The following MRRF variants were observed in gnomAD, a reference collection of about 807,000 sequenced individuals.
MRRF encodes the protein mitochondrial ribosome recycling factor.
In MRRF, 18 loss-of-function variants were observed where a neutral mutation model predicts 25.1. That is an observed-to-expected ratio of 0.72 (90% CI 0.50 to 1.06). The LOEUF (loss-of-function observed/expected upper bound fraction) is 1.06. Among genes scored for constraint, MRRF ranks in the 50% least tolerant of loss-of-function variants. MRRF has a pLI of 0.00. For missense variants in MRRF, 323 were observed against 319.3 expected (o/e 1.01, Z -0.09); for synonymous variants, 113 against 112.1 (o/e 1.01, Z -0.05).
At chr9:122,265,976 G>T (rs1743211081) in intron 1 of MRRF, among the ~76,000 whole-genome samples, 1 of 152,194 alleles carries the variant, frequency 6.6e-6, no homozygotes, top group South Asian at 2.1e-4. Context: ...CAAAAATCTG[G>T]CAAACCAGAG....
At chr9:122,282,096 A>G (rs1226729995) in intron 3 of MRRF, among the ~76,000 whole-genome samples, 3 of 152,172 alleles carry the variant, frequency 2.0e-5, no homozygotes, top group Non-Finnish European at 4.4e-5. Flanking sequence ...AACGTTCTGT[A>G]TAGAATTTGG....
At chr9:122,301,793 G>A (rs1333828611) in intron 5 of MRRF, among the ~76,000 whole-genome samples, 1 of 151,566 alleles carries the variant, frequency 6.6e-6, no homozygotes, top group Non-Finnish European at 1.5e-5. Flanking sequence ...GAGTGCAGTG[G>A]CATGATCTCG....
In MRRF at chr9:122,325,650, G is replaced by GTC. The variant is rs1351616115; in HGVS notation, c.*3034_*3035insCT. ...CTGTCTGGTGTGTGTGTGTGTGTGTGTGTGTGTGTGTGTGTGTGTGTGTGT... is the reference window on the plus strand; with the variant it reads ...CTGTCTGGTGTGTGTGTGTGTGTGTGTCTGTGTGTGTGTGTGTGTGTGTGTGT... On this transcript the variant is annotated 3_prime_UTR_variant, in exon 7 of 7. Coordinates refer to ENST00000344641, the MANE Select transcript of MRRF (RefSeq NM_138777.5). 4.4e-5 allele frequency: 5 copies of GTC among 114,888 alleles called. No individual in the cohort carries two copies. Among genetic ancestry groups the GTC allele is most frequent in the African/African-American group, 1.5e-4 (5 of 33,122 alleles). 7.1% of individuals were successfully genotyped at this position (114,888 alleles called of 1,614,324 possible).
intron 6 of MRRF, among the ~76,000 whole-genome samples, chr9:122,320,866 T>C (rs1159234995): frequency 6.6e-6 from 1 of 152,242 alleles, no homozygotes; most frequent in Non-Finnish European, 1.5e-5. Flanking sequence ...GGCACCATGC[T>C]GCAGCCCTTA....
chr9:122,273,764 T>C (rs1832609369), intron 2 of MRRF, among the ~76,000 whole-genome samples: 1 of 152,194 alleles, frequency 6.6e-6, no homozygotes. Flanking sequence ...CACCACAGAT[T>C]AGTTTTGTCC....
At chr9:122,280,348 A>C in intron 2 of MRRF, 95 bp from the exon 3 acceptor site, 7 of 1,354,386 alleles carry the variant, frequency 5.2e-6, no homozygotes, top group Non-Finnish European at 7.4e-6. Flanking sequence ...AACACTTGAC[A>C]TTTTTCCCTG....
At chr9:122,294,127 C>T (rs1186584002) in intron 5 of MRRF, among the ~76,000 whole-genome samples, 1 of 152,202 alleles carries the variant, frequency 6.6e-6, no homozygotes, top group Admixed American at 6.5e-5. Context: ...CTCCCTGAGC[C>T]TTGGCTTCCT....
In MRRF at chr9:122,328,809, A is replaced by C. The variant is rs1260481775; in HGVS notation, c.*6192A>C. On this transcript the variant is annotated 3_prime_UTR_variant, in exon 7 of 7. Transcript: ENST00000344641. ...GAAGTTCAGTTTTTGTGGAATAAACAAATAAGTGATTATCTCTGTCTGCCT... is the reference window on the plus strand; with the variant it reads ...GAAGTTCAGTTTTTGTGGAATAAACCAATAAGTGATTATCTCTGTCTGCCT... The C allele has an allele frequency of 2.0e-5, 3 of 152,148 alleles. No homozygotes were observed. The allele number at this position is 152,148 out of a possible 1,614,324, so 9.4% of individuals were successfully genotyped here. A position where few individuals can be genotyped will look rare whatever the true frequency, so the allele number is the denominator to read the frequency against.
intron 5 of MRRF, 91 bp from the exon 6 acceptor site, chr9:122,313,136 C>T: frequency 1.5e-6 from 2 of 1,328,916 alleles, no homozygotes; most frequent in African/African-American, 1.5e-5. Context: ...AAGTTACAAA[C>T]TGCTGAACTG....
intron 5 of MRRF, among the ~76,000 whole-genome samples, chr9:122,302,961 G>A (rs1834567822): frequency 6.6e-6 from 1 of 152,152 alleles, no homozygotes; most frequent in African/African-American, 2.4e-5. Context: ...ATGGTGCTAA[G>A]CTCTTTTCAT....
intron 4 of MRRF, among the ~76,000 whole-genome samples, chr9:122,287,161 T>C (rs1031825777): frequency 1.1e-4 from 17 of 152,212 alleles, no homozygotes; most frequent in African/African-American, 4.1e-4. Context: ...ACAGCACAAT[T>C]CTTTTTCTTT....
chr9:122,298,763 G>A (rs1011590798), intron 5 of MRRF, among the ~76,000 whole-genome samples: 3 of 152,138 alleles, frequency 2.0e-5, no homozygotes, highest in African/African-American at 7.2e-5. Context: ...CATTTACTGG[G>A]GAGATGGTTA....
chr9:122,267,913 A>G (rs1004002704), intron 1 of MRRF, among the ~76,000 whole-genome samples: 1 of 152,212 alleles, frequency 6.6e-6, no homozygotes, highest in East Asian at 1.9e-4. Flanking sequence ...GAGAGGCTAA[A>G]TGACCTCCCC....
At chr9:122,296,154 G>A (rs901878210) in intron 5 of MRRF, among the ~76,000 whole-genome samples, 2 of 151,600 alleles carry the variant, frequency 1.3e-5, no homozygotes, top group African/African-American at 2.4e-5. Flanking sequence ...TTTTTTTATC[G>A]TGGCTGTCTC....
rs558838820 is a variant in MRRF at position 122,296,602 on chromosome 9, G to C, written c.551+4762G>C. 2.0e-5 allele frequency among the ~76,000 whole-genome samples: 3 copies of C among 152,236 alleles called. 1 individual carries two copies. The South Asian group carries it at 6.2e-4, about 32-fold the overall frequency. On this transcript the variant is annotated intron_variant, in intron 5 of 6. Transcript: ENST00000344641. The stretch of plus-strand genomic sequence containing the variant: ...GGTCTTTGTCACTGCCTTTCTTCCT[G>C]TTCCTGTCTCCTGATAGAAGATTTA...
rs190502683 is a variant in MRRF, at chr9:122,275,725, T to C, written c.184+4650T>C. Reference sequence around the variant, plus strand: ...TCTGTGTGTGGCTTATTTTGCTTAGTGTAATGTCCTCCGGGTTCATCCATG... The same window carrying C: ...TCTGTGTGTGGCTTATTTTGCTTAGCGTAATGTCCTCCGGGTTCATCCATG... On this transcript the variant is annotated intron_variant, in intron 2 of 6. Coordinates refer to ENST00000344641, the MANE Select transcript of MRRF (RefSeq NM_138777.5). Among the ~76,000 whole-genome samples, 81 of 152,298 alleles carry C rather than the reference T, an allele frequency of 5.3e-4. No homozygotes were observed. The East Asian group carries it at 0.015, about 28-fold the overall frequency.
intron 1 of MRRF, among the ~76,000 whole-genome samples, chr9:122,270,155 T>C (rs1205508427): frequency 6.6e-6 from 1 of 152,250 alleles, no homozygotes; most frequent in Non-Finnish European, 1.5e-5. Flanking sequence ...GCAGAAGCTA[T>C]CAATGATATA....
chr9:122,293,950 C>T (rs1468012391), intron 5 of MRRF, among the ~76,000 whole-genome samples: 1 of 152,198 alleles, frequency 6.6e-6, no homozygotes, highest in Non-Finnish European at 1.5e-5. Context: ...CTGAGTTTTT[C>T]TGTTACCTTT....
intron 5 of MRRF, among the ~76,000 whole-genome samples, chr9:122,298,346 G>C (rs528431747): frequency 6.6e-6 from 1 of 152,242 alleles, no homozygotes; most frequent in Non-Finnish European, 1.5e-5. Flanking sequence ...GGTTCAAGAG[G>C]CAGTCTGGAA....
Sources: allele counts gnomAD v4.1 joint callset (sites outside exome capture counted in the v4.1 genomes callset), GRCh38; gene constraint gnomAD v4.1.1; transcripts MANE v1.5; gene names NCBI Gene and HGNC (gene_info 2026-07-23, HGNC 2026-07-21).